Variants in MTA3 observed in about 807,000 individuals in gnomAD.
MTA3 encodes the protein metastasis-associated protein MTA3.
A neutral mutation model predicts 83.5 loss-of-function variants in MTA3; 34 were observed. The observed-to-expected ratio is 0.41, with a 90% CI of 0.31 to 0.54. The LOEUF is 0.54. Among genes scored for constraint, MTA3 ranks in the 20% least tolerant of loss-of-function variants. The pLI, the probability that MTA3 is intolerant of heterozygous loss-of-function variation, is 0.33. For synonymous variants in MTA3, 303 were observed against 252.7 expected (o/e 1.20, Z -1.89); for missense variants, 761 against 726.4 (o/e 1.05, Z -0.55).
At chr2:42,500,499 T>C (rs1674348412) in intron 2 of MTA3, among the ~76,000 whole-genome samples, 1 of 151,998 alleles carries the variant, frequency 6.6e-6, no homozygotes. Context: ...TGGATGCCAG[T>C]GCACTCCAGC....
chr2:42,580,309 A>G (rs754116616), intron 3 of MTA3, among the ~76,000 whole-genome samples: 25 of 151,624 alleles, frequency 1.6e-4, no homozygotes, highest in Non-Finnish European at 2.9e-4. Context: ...TTTTCAGTTC[A>G]GGGGTACCTG....
intron 4 of MTA3, among the ~76,000 whole-genome samples, chr2:42,623,829 T>C (rs921173847): frequency 6.6e-6 from 1 of 151,924 alleles, no homozygotes; most frequent in African/African-American, 2.4e-5. Flanking sequence ...TACCTGGGAC[T>C]ACAGGTGTGC....
chr2:42,505,704 G>C (rs745613349), intron 2 of MTA3, among the ~76,000 whole-genome samples: 4 of 151,330 alleles, frequency 2.6e-5, no homozygotes, highest in African/African-American at 9.7e-5. Flanking sequence ...ATGTACTTCA[G>C]AACAACCAAG....
chr2:42,732,304 G>C (rs1362250035), intron 16 of MTA3, among the ~76,000 whole-genome samples: 2 of 152,220 alleles, frequency 1.3e-5, no homozygotes, highest in African/African-American at 2.4e-5. Flanking sequence ...CTCAATTCTT[G>C]ACTTCTGTGC....
intron 3 of MTA3, among the ~76,000 whole-genome samples, chr2:42,599,861 A>G (rs879849772): frequency 1.3e-5 from 2 of 151,898 alleles, no homozygotes; most frequent in Non-Finnish European, 2.9e-5. Flanking sequence ...TCTGTTCTCT[A>G]TACAGTTAGG....
At chr2:42,538,021 A>C in intron 2 of MTA3, among the ~76,000 whole-genome samples, 1 of 151,810 alleles carries the variant, frequency 6.6e-6, no homozygotes, top group East Asian at 2.0e-4. Context: ...TCACGAGGTC[A>C]GGAGATTGAG....
In MTA3 at chr2:42,756,109, G is replaced by T; in HGVS notation, c.*2710G>T. Reference sequence around the variant, plus strand: ...GCTGAGAGGCAAAACAGGGGAGTGAGGGGCAACCCAGAGGTGGGGAACAAC... The same window carrying T: ...GCTGAGAGGCAAAACAGGGGAGTGATGGGCAACCCAGAGGTGGGGAACAAC... On this transcript the variant is annotated 3_prime_UTR_variant, in exon 17 of 17. Coordinates refer to ENST00000405094, the MANE Select transcript of MTA3 (RefSeq NM_001330442.2). 1.3e-6 allele frequency: 1 copy of T among 787,818 alleles called. No homozygotes were observed. Among genetic ancestry groups the T allele is most frequent in the African/African-American group, 1.9e-5 (1 of 53,536 alleles). 48.8% of individuals were successfully genotyped at this position (787,818 alleles called of 1,614,324 possible).
At chr2:42,572,730 GT>G (rs1329550162) in intron 2 of MTA3, among the ~76,000 whole-genome samples, 2 of 151,856 alleles carry the variant, frequency 1.3e-5, no homozygotes, top group Non-Finnish European at 2.9e-5. Flanking sequence ...GTTTTGTTTT[GT>G]TTTTTGTTTT....
chr2:42,755,852 G>T lies in MTA3; in HGVS notation c.*2453G>T. The T allele has an allele frequency of 1.0e-6, 1 of 985,574 alleles. No homozygotes were observed. Among genetic ancestry groups the T allele is most frequent in the South Asian group, 4.7e-5 (1 of 21,294 alleles). The allele number at this position is 985,574 out of a possible 1,614,324, so 61.1% of individuals were successfully genotyped here. A position where few individuals can be genotyped will look rare whatever the true frequency, so the allele number is the denominator to read the frequency against. ...GACATGCCCCTGGGGTGAGGACACA[G>T]GCTCTGCAGGCTATCTCCCCCTCTG... is the stretch of plus-strand genomic sequence containing the variant. On this transcript the variant is annotated 3_prime_UTR_variant, in exon 17 of 17. Transcript: ENST00000405094.
At chr2:42,603,689 T>C (rs1283969134) in intron 3 of MTA3, among the ~76,000 whole-genome samples, 1 of 152,232 alleles carries the variant, frequency 6.6e-6, no homozygotes, top group Non-Finnish European at 1.5e-5. Context: ...AAGATTTCTT[T>C]TGCATTTAGT....
chr2:42,674,564 G>A (rs944693620), intron 8 of MTA3, among the ~76,000 whole-genome samples: 28 of 151,510 alleles, frequency 1.8e-4, no homozygotes, highest in African/African-American at 6.5e-4. Flanking sequence ...TATTTAATCT[G>A]GAGGGAAGAC....
rs371153904 is a variant in MTA3 at position 42,695,821 on chromosome 2, T to G, written c.948T>G (p.Thr316=). 6.3e-7 allele frequency: 1 copy of G among 1,587,582 alleles called. No homozygotes were observed. The highest frequency in any genetic ancestry group is 8.6e-7 in the Non-Finnish European group (1 of 1,166,174). ...IIEYYYMWKT[T]DRYVQQKRLK... ...AATATTATTACATGTGGAAAACTAC[T>G]GACAGATATGTGCAACAGGTAATTT... Residue 316 remains threonine, a synonymous_variant, in exon 10 of 17, where the codon ACT becomes ACG. Transcript: ENST00000405094.
intron 8 of MTA3, among the ~76,000 whole-genome samples, chr2:42,679,256 A>C (rs1691652680): frequency 6.6e-6 from 1 of 152,178 alleles, no homozygotes; most frequent in Non-Finnish European, 1.5e-5. Context: ...CCATGATATT[A>C]TGGCTCACTC....
chr2:42,722,499 G>A (rs778923183), intron 15 of MTA3, among the ~76,000 whole-genome samples: 7 of 152,160 alleles, frequency 4.6e-5, no homozygotes, highest in Non-Finnish European at 1.0e-4. Flanking sequence ...TGGTTTGACA[G>A]AGCACAGAAG....
chr2:42,583,684 A>G (rs1679930290), intron 3 of MTA3, among the ~76,000 whole-genome samples: 1 of 151,940 alleles, frequency 6.6e-6, no homozygotes, highest in Non-Finnish European at 1.5e-5. Context: ...GCATGCCACC[A>G]TGCCTGGCTA....
intron 3 of MTA3, among the ~76,000 whole-genome samples, chr2:42,582,917 A>G (rs932047952): frequency 7.9e-5 from 12 of 152,128 alleles, no homozygotes; most frequent in Admixed American, 5.9e-4. Context: ...CTCACCACAC[A>G]TTTTAAAGAA....
At chr2:42,747,174 A>G (rs1669504532) in intron 16 of MTA3, among the ~76,000 whole-genome samples, 1 of 151,830 alleles carries the variant, frequency 6.6e-6, no homozygotes, top group African/African-American at 2.4e-5. Flanking sequence ...TAATTTTTGT[A>G]TTTTTAGTAG....
intron 4 of MTA3, among the ~76,000 whole-genome samples, chr2:42,611,031 G>T (rs1287157766): frequency 1.3e-5 from 2 of 148,840 alleles, no homozygotes; most frequent in African/African-American, 5.0e-5. Flanking sequence ...ACCCAGGCTG[G>T]AGTGCAGTGG....
At position 42,656,317 on chromosome 2, in the gene MTA3, G is replaced by A; in HGVS notation, c.602+15G>A. On this transcript the variant is annotated intron_variant, in intron 7 of 16. Transcript: ENST00000405094. ...GTTGTAGCACGGTGAGTATGAGTAT[G>A]GCATTATTGAGTCAATAAATTTCTT... 6.6e-7 allele frequency: 1 copy of A among 1,524,990 alleles called. No homozygotes were observed. The allele number at this position is 1,524,990 out of a possible 1,614,324, so 94.5% of individuals were successfully genotyped here.
Sources: gnomAD v4.1 joint callset for allele counts (sites outside exome capture counted in the v4.1 genomes callset) on GRCh38, gnomAD v4.1.1 for gene constraint, MANE v1.5 for transcripts, NCBI Gene and HGNC (gene_info 2026-07-23, HGNC 2026-07-21) for gene names.